LAMB4: variants seen among roughly 807,000 people sequenced by gnomAD.
LAMB4 encodes the protein laminin subunit beta-4.
LAMB4 carries 196 observed loss-of-function variants against 199.2 expected under a neutral mutation model. The observed-to-expected ratio is 0.98, with a 90% confidence interval of 0.88 to 1.11. LAMB4 has a LOEUF of 1.11. Among genes scored for constraint, LAMB4 ranks in the 50% least tolerant of loss-of-function variants. The pLI, the probability that LAMB4 is intolerant of heterozygous loss-of-function variation, is 0.00. For missense variants in LAMB4, 2,080 were observed against 2,171.2 expected, an observed-to-expected ratio of 0.96 and a Z score of 0.83; for synonymous variants, 744 against 770.6, an observed-to-expected ratio of 0.97 and a Z score of 0.57.
chr7:108,028,208 G>A (rs2034904650), intron 33 of LAMB4, among the ~76,000 whole-genome samples: 1 of 152,144 alleles, frequency 6.6e-6, no homozygotes, highest in Admixed American at 6.5e-5. Flanking sequence ...TAGTGCCCTA[G>A]ATTATATTGA....
At position 108,103,056 on chromosome 7, in the gene LAMB4, A is replaced by G. The variant is rs140607116; in HGVS notation, c.1168T>C (p.Tyr390His). 16 of 1,592,126 alleles carry G rather than the reference A, an allele frequency of 1.0e-5. No homozygotes were observed. In the African/African-American group the frequency reaches 1.6e-4, roughly 16 times the overall value. Residue 390 changes from tyrosine to histidine, a missense_variant, in exon 10 of 34, where the codon TAC becomes CAC. Transcript: ENST00000388781. Reference sequence around the variant, plus strand: ...CCCGGGGACTCACGAATGCACGCGTAGGGATCTGAGATGGTCTTGAGCGGG... The same window carrying G: ...CCCGGGGACTCACGAATGCACGCGTGGGGATCTGAGATGGTCTTGAGCGGG... ...RDPLKTISDP[Y>H]ACIPCECDPD...
At chr7:108,125,577 T>C (rs1325497083) in intron 1 of LAMB4, among the ~76,000 whole-genome samples, 1 of 152,176 alleles carries the variant, frequency 6.6e-6, no homozygotes, top group East Asian at 1.9e-4. Flanking sequence ...ATAGGATATA[T>C]CATGGCATTC....
intron 25 of LAMB4, among the ~76,000 whole-genome samples, chr7:108,053,067 G>A (rs2035875448): frequency 6.6e-6 from 1 of 152,120 alleles, no homozygotes; most frequent in African/African-American, 2.4e-5. Context: ...TGTCACAACT[G>A]CAATTCTTCA....
chr7:108,125,668 A>T (rs2038754253), intron 1 of LAMB4, among the ~76,000 whole-genome samples: 1 of 152,218 alleles, frequency 6.6e-6, no homozygotes, highest in Non-Finnish European at 1.5e-5. Flanking sequence ...TGATGGGCTA[A>T]TCTTTTCCTA....
rs1213803803 is a variant in LAMB4, at chr7:108,048,101, T to C, written c.4133A>G (p.Asp1378Gly). Residue 1378 changes from aspartate (D) to glycine (G), a missense_variant, in exon 28 of 34, where the codon GAT becomes GGT. By Grantham distance (94) the Asp-to-Gly change is moderately conservative. Coordinates refer to ENST00000388781, the MANE Select transcript of LAMB4 (RefSeq NM_007356.3). The stretch of plus-strand genomic sequence containing the variant: ...GGGCACACATGGCACATTTCCTGGA[T>C]CTCCGCACACCTTGCAAGAGAAATG... The part of the protein sequence containing the change: ...IQILNEKVCG[D>G]PGNVPCVPLP... The C allele has an allele frequency of 6.2e-7, 1 of 1,610,328 alleles. No individual in the cohort carries two copies. The highest frequency in any genetic ancestry group is 1.7e-5 in the Admixed American group (1 of 59,816).
At chr7:108,062,299 G>A (rs979386642) in intron 23 of LAMB4, 6 of 152,210 alleles carry the variant, frequency 3.9e-5, no homozygotes, top group African/African-American at 1.2e-4. Context: ...TATGATTGAT[G>A]CCAGTCTGGA....
In LAMB4 at chr7:108,063,828, A is replaced by G; in HGVS notation, c.2994T>C (p.Thr998=). ...TGECLRCLHN[T]QGANCQLCKP... Reference sequence around the variant, plus strand: ...TGCAGAGCTGGCAGTTTGCGCCCTGAGTGTTGTGCAAACATCGAAGGCACT... The same window carrying G: ...TGCAGAGCTGGCAGTTTGCGCCCTGGGTGTTGTGCAAACATCGAAGGCACT... Residue 998 remains threonine (T), a synonymous_variant, in exon 22 of 34, where the codon ACT becomes ACC. Coordinates refer to ENST00000388781, the MANE Select transcript of LAMB4 (RefSeq NM_007356.3). 1 of 1,614,124 alleles carries G rather than the reference A, an allele frequency of 6.2e-7. No homozygotes were observed. The highest frequency in any genetic ancestry group is 8.5e-7 in the Non-Finnish European group (1 of 1,180,026).
chr7:108,091,698 G>C lies in LAMB4; in HGVS notation c.1629C>G (p.Tyr543Ter). 6.2e-7 allele frequency: 1 copy of C among 1,614,246 alleles called. No homozygotes were observed. The highest frequency in any genetic ancestry group is 1.1e-5 in the South Asian group (1 of 91,088). ...GATAGAAATTCAAAGGAGCAAAGAA[G>C]TAGCCAGGGGCTGGTTCAGAGCAGC... ...GRSCSEPAPG[Y>*]FFAPLNFYLY... The change falls in exon 14 of 34, where the codon TAC becomes TAG. Residue 543 changes from tyrosine (Y) to a stop codon, truncating the protein, a stop_gained. Coordinates refer to ENST00000388781, the MANE Select transcript of LAMB4 (RefSeq NM_007356.3). LOFTEE classifies it high-confidence loss of function.
rs1382489813 is a variant in LAMB4, at chr7:108,043,696, AT to A, written c.4471+55del. 1.8e-5 allele frequency: 21 copies of A among 1,145,686 alleles called. 2 individuals are homozygous for A. The African/African-American group carries it at 3.1e-4, about 17-fold the overall frequency. 71.0% of individuals were successfully genotyped at this position (1,145,686 alleles called of 1,614,324 possible). A position where few individuals can be genotyped will look rare whatever the true frequency, so the allele number is the denominator to read the frequency against. The stretch of plus-strand genomic sequence containing the variant: ...CTGGGTTCACGTATGATGTTTGACT[AT>A]ACATTAAAAAGGGAAAAAAACAAAA... On this transcript the variant is annotated intron_variant, in intron 29 of 33. Transcript: ENST00000388781.
chr7:108,113,494 G>A (rs554247079), intron 3 of LAMB4, among the ~76,000 whole-genome samples: 6 of 152,296 alleles, frequency 3.9e-5, no homozygotes, highest in African/African-American at 1.2e-4. Flanking sequence ...GTTGAAGAAA[G>A]CCAAAATGCC....
intron 16 of LAMB4, 141 bp downstream of exon 16, chr7:108,078,060 C>T (rs2036772581): frequency 3.2e-6 from 2 of 634,218 alleles, no homozygotes. Flanking sequence ...AAGCATAGTG[C>T]AGCACCCAGT....
chr7:108,097,964 C>G (rs1035723392), intron 11 of LAMB4, among the ~76,000 whole-genome samples: 4 of 152,180 alleles, frequency 2.6e-5, no homozygotes, highest in African/African-American at 9.7e-5. Context: ...AAGTTCTCCA[C>G]TAACCGCTTA....
intron 26 of LAMB4, among the ~76,000 whole-genome samples, chr7:108,050,319 C>G (rs568361276): frequency 2.6e-5 from 4 of 152,304 alleles, no homozygotes; most frequent in African/African-American, 9.6e-5. Context: ...GTGTGAAATG[C>G]ACATTAGTAT....
At chr7:108,041,245 A>G (rs138661732) in intron 29 of LAMB4, among the ~76,000 whole-genome samples, 1 of 152,224 alleles carries the variant, frequency 6.6e-6, no homozygotes, top group Non-Finnish European at 1.5e-5. Context: ...GTCAAAAAAT[A>G]ACAGGTGCTG....
intron 11 of LAMB4, 122 bp from the exon 12 acceptor site, chr7:108,095,459 G>A: frequency 1.4e-6 from 1 of 691,860 alleles, no homozygotes; most frequent in Non-Finnish European, 2.5e-6. Flanking sequence ...TGCCCTGCCA[G>A]GTTTATTGTG....
At chr7:108,095,884 C>T (rs60773206) in intron 11 of LAMB4, among the ~76,000 whole-genome samples, 5,466 of 152,242 alleles carry the variant, frequency 0.036, 317 homozygotes, top group African/African-American at 0.12. Context: ...CAAATACCAA[C>T]GTTCATGGAA....
Position 108,052,113 on chromosome 7 carries a change from A to G in LAMB4, c.3900T>C (p.Leu1300=). 1 of 1,608,722 alleles carries G rather than the reference A, an allele frequency of 6.2e-7. No individual in the cohort carries two copies. The highest frequency in any genetic ancestry group is 1.1e-5 in the South Asian group (1 of 89,426). Residue 1300 remains leucine, a synonymous_variant, in exon 26 of 34, where the codon CTT becomes CTC. Coordinates refer to ENST00000388781, the MANE Select transcript of LAMB4 (RefSeq NM_007356.3). ...QEEIDLQSSV[L]NASIADSSEN... is the part of the protein sequence containing the mutation. ...TTCCCTTACCCGCAATGCTTGCATT[A>G]AGGACACTGGATTGCAAATCAATTT... is the stretch of plus-strand genomic sequence containing the variant.
intron 1 of LAMB4, among the ~76,000 whole-genome samples, chr7:108,127,192 T>G (rs1370419649): frequency 5.7e-5 from 6 of 106,142 alleles, no homozygotes; most frequent in Middle Eastern, 4.5e-3. Context: ...TTTTTGTGTT[T>G]TTTTTTTTTT....
At chr7:108,078,370 T>G (rs1004797327) in intron 15 of LAMB4, 54 bp from the exon 16 acceptor site, 2 of 1,113,800 alleles carry the variant, frequency 1.8e-6, no homozygotes, top group Non-Finnish European at 2.7e-6. Flanking sequence ...GAAAATGTTT[T>G]GCACGTACAC....
Sources: gnomAD v4.1 joint callset for allele counts (sites outside exome capture counted in the v4.1 genomes callset) on GRCh38, gnomAD v4.1.1 for gene constraint, MANE v1.5 for transcripts, NCBI Gene and HGNC (gene_info 2026-07-23, HGNC 2026-07-21) for gene names.